Variants in GALNT13 observed in about 807,000 individuals in gnomAD.
The protein encoded by GALNT13 is UDP-GalNAc:polypeptide N-acetylgalactosaminyltransferase 13.
Under a neutral mutation model 64.2 loss-of-function variants are expected in GALNT13, and 28 were observed. The observed-to-expected ratio is 0.44, with a 90% CI of 0.32 to 0.60. The LOEUF (loss-of-function observed/expected upper bound fraction) is 0.60. GALNT13 is among the 20% of genes least tolerant of loss of function. The probability of loss-of-function intolerance (pLI) is 0.05; values close to 1 mark genes in which losing one functional copy is unlikely to be tolerated. For missense variants in GALNT13, 577 were observed against 669.8 expected, an observed-to-expected ratio of 0.86 and a Z score of 1.53; for synonymous variants, 214 against 224.6, an observed-to-expected ratio of 0.95 and a Z score of 0.42.
chr2:154,132,007 G>A (rs896396462), intron 3 of GALNT13, among the ~76,000 whole-genome samples: 1 of 152,186 alleles, frequency 6.6e-6, no homozygotes, highest in Non-Finnish European at 1.5e-5. Context: ...GACTCAGCCA[G>A]TATAGTCCTT....
chr2:153,493,221 A>G, the GALNT13 span, among the ~76,000 whole-genome samples: 3 of 152,074 alleles, frequency 2.0e-5, no homozygotes, highest in Non-Finnish European at 4.4e-5. Flanking sequence ...TTAATGCAGA[A>G]ACCTGGTTCT....
the GALNT13 span, among the ~76,000 whole-genome samples, chr2:153,132,586 C>T: frequency 6.6e-6 from 1 of 152,166 alleles, no homozygotes; most frequent in African/African-American, 2.4e-5. Context: ...CGTATGTCTA[C>T]TTCACAATTC....
At chr2:153,366,698 A>G in the GALNT13 span, among the ~76,000 whole-genome samples, 1 of 150,060 alleles carries the variant, frequency 6.7e-6, no homozygotes, top group Non-Finnish European at 1.5e-5. Flanking sequence ...AACATGAAAC[A>G]GGGTCAATAC....
At chr2:153,725,388 A>G in the GALNT13 span, among the ~76,000 whole-genome samples, 1 of 151,172 alleles carries the variant, frequency 6.6e-6, no homozygotes, top group African/African-American at 2.4e-5. Context: ...GCGCACCAGC[A>G]TGGCACATGT....
chr2:154,301,017 A>T (rs2105094854), intron 8 of GALNT13, among the ~76,000 whole-genome samples: 1 of 152,304 alleles, frequency 6.6e-6, no homozygotes, highest in Non-Finnish European at 1.5e-5. Flanking sequence ...ATAATTCCAG[A>T]TGGATGGAGA....
intron 4 of GALNT13, among the ~76,000 whole-genome samples, chr2:154,173,987 G>A (rs1428835712): frequency 2.6e-5 from 4 of 152,016 alleles, no homozygotes; most frequent in Admixed American, 1.3e-4. Context: ...ATGGAGGTTC[G>A]TCAAAAATCT....
At chr2:153,473,543 A>G in the GALNT13 span, among the ~76,000 whole-genome samples, 1 of 152,224 alleles carries the variant, frequency 6.6e-6, no homozygotes, top group African/African-American at 2.4e-5. Flanking sequence ...CTTTTAAAAC[A>G]TATCCCATTT....
the GALNT13 span, among the ~76,000 whole-genome samples, chr2:153,579,801 T>G: frequency 1.3e-5 from 2 of 152,094 alleles, no homozygotes; most frequent in Admixed American, 1.3e-4. Flanking sequence ...ACTGGGCTTG[T>G]GAGGGATCTA....
intron 8 of GALNT13, among the ~76,000 whole-genome samples, chr2:154,271,884 A>G (rs568937568): frequency 2.9e-4 from 44 of 152,022 alleles, no homozygotes; most frequent in African/African-American, 1.0e-3. Flanking sequence ...ATTTTACAGT[A>G]TTAGATGTCT....
chr2:154,059,118 T>G (rs1700044888), intron 3 of GALNT13, among the ~76,000 whole-genome samples: 1 of 152,206 alleles, frequency 6.6e-6, no homozygotes, highest in African/African-American at 2.4e-5. Flanking sequence ...GACTCCAGGA[T>G]TTGGAACCTA....
the GALNT13 span, among the ~76,000 whole-genome samples, chr2:153,815,636 T>C: frequency 4.6e-5 from 7 of 152,190 alleles, no homozygotes; most frequent in African/African-American, 1.7e-4. Flanking sequence ...GCAGGCCTAG[T>C]CATTAGGCAA....
chr2:153,341,097 G>A, the GALNT13 span, among the ~76,000 whole-genome samples: 1 of 152,148 alleles, frequency 6.6e-6, no homozygotes, highest in Admixed American at 6.5e-5. Context: ...AAATTTTATT[G>A]AAATTACCTG....
chr2:154,220,885 C>T (rs1039257203), intron 4 of GALNT13, among the ~76,000 whole-genome samples: 4 of 152,048 alleles, frequency 2.6e-5, no homozygotes, highest in Non-Finnish European at 5.9e-5. Context: ...GGCCCAAATA[C>T]TTGTCCTAAT....
At chr2:154,132,643 T>G (rs1296415207) in intron 3 of GALNT13, among the ~76,000 whole-genome samples, 1 of 151,994 alleles carries the variant, frequency 6.6e-6, no homozygotes, top group Non-Finnish European at 1.5e-5. Context: ...TCCAGCACTT[T>G]GGGAGACTGA....
At chr2:153,274,299 G>A in the GALNT13 span, among the ~76,000 whole-genome samples, 5 of 152,304 alleles carry the variant, frequency 3.3e-5, no homozygotes, top group East Asian at 9.7e-4. Flanking sequence ...GTAAGGAACC[G>A]TACTGGGTCA....
At chr2:153,417,254 G>A in the GALNT13 span, among the ~76,000 whole-genome samples, 1 of 152,168 alleles carries the variant, frequency 6.6e-6, no homozygotes, top group African/African-American at 2.4e-5. Context: ...AATAATAGAA[G>A]ATGAGTCATA....
At chr2:154,440,869 G>A (rs1024682537) in intron 12 of GALNT13, among the ~76,000 whole-genome samples, 1 of 152,052 alleles carries the variant, frequency 6.6e-6, no homozygotes, top group Non-Finnish European at 1.5e-5. Flanking sequence ...TTATATTTTT[G>A]AGAAGGTCGT....
intron 3 of GALNT13, among the ~76,000 whole-genome samples, chr2:153,963,587 T>C (rs1298966685): frequency 1.3e-5 from 2 of 152,176 alleles, no homozygotes; most frequent in Non-Finnish European, 2.9e-5. Context: ...CAACACATCA[T>C]AGCCAGAATT....
chr2:153,350,720 A>G, the GALNT13 span, among the ~76,000 whole-genome samples: 4 of 152,066 alleles, frequency 2.6e-5, no homozygotes, highest in Non-Finnish European at 5.9e-5. Flanking sequence ...TACCTCAACC[A>G]TGGTGGAGCT....
Sources: gnomAD v4.1 joint callset for allele counts (sites outside exome capture counted in the v4.1 genomes callset) on GRCh38, gnomAD v4.1.1 for gene constraint, MANE v1.5 for transcripts, NCBI Gene and HGNC (gene_info 2026-07-23, HGNC 2026-07-21) for gene names.